ST6GALNAC3: variants seen among roughly 807,000 people sequenced by gnomAD.
ST6GALNAC3 encodes alpha-N-acetylgalactosaminide alpha-2,6-sialyltransferase 3.
A neutral mutation model predicts 32.7 loss-of-function variants in ST6GALNAC3; 25 were observed. The ratio of observed to expected loss-of-function variants is 0.76; its 90% CI spans 0.56 to 1.07. The LOEUF (loss-of-function observed/expected upper bound fraction) is 1.07, where lower values mean the gene tolerates loss of function less well. ST6GALNAC3 is among the 50% of genes least tolerant of loss of function. The pLI, the probability that ST6GALNAC3 is intolerant of heterozygous loss-of-function variation, is 0.00. For missense variants in ST6GALNAC3, 355 were observed against 382.4 expected (o/e 0.93, Z 0.60); for synonymous variants, 129 against 133.1 (o/e 0.97, Z 0.21).
chr1:76,255,713 G>C (rs539636237), intron 1 of ST6GALNAC3, among the ~76,000 whole-genome samples: 2 of 152,082 alleles, frequency 1.3e-5, no homozygotes, highest in Non-Finnish European at 1.5e-5. Context: ...GCAACCCCTC[G>C]TTTAAAAACT....
chr1:76,167,657 A>G (rs1012851615), intron 1 of ST6GALNAC3, among the ~76,000 whole-genome samples: 2 of 151,166 alleles, frequency 1.3e-5, no homozygotes, highest in Admixed American at 1.3e-4. Context: ...TGTTGATTCA[A>G]TTTCGGAGCT....
At chr1:76,485,641 C>T (rs1660057502) in intron 3 of ST6GALNAC3, among the ~76,000 whole-genome samples, 1 of 152,182 alleles carries the variant, frequency 6.6e-6, no homozygotes, top group Non-Finnish European at 1.5e-5. Flanking sequence ...TGCTAGTGAT[C>T]TATCAATTTT....
At chr1:76,471,357 T>C (rs1256905282) in intron 3 of ST6GALNAC3, among the ~76,000 whole-genome samples, 2 of 152,154 alleles carry the variant, frequency 1.3e-5, no homozygotes, top group African/African-American at 2.4e-5. Flanking sequence ...TAACAAGTAG[T>C]GCCAAATGCT....
intron 3 of ST6GALNAC3, among the ~76,000 whole-genome samples, chr1:76,501,433 ATTCC>A (rs1298936900): frequency 6.6e-6 from 1 of 152,178 alleles, no homozygotes; most frequent in East Asian, 1.9e-4. Context: ...GGACAAGAAA[ATTCC>A]TTCCTTCCTT....
chr1:76,410,007 C>G (rs1005203962), intron 2 of ST6GALNAC3, among the ~76,000 whole-genome samples: 6 of 152,160 alleles, frequency 3.9e-5, no homozygotes, highest in Admixed American at 2.0e-4. Context: ...ACATCACTAT[C>G]CTCTCTTGCT....
At chr1:76,366,265 G>T (rs1489506193) in intron 2 of ST6GALNAC3, among the ~76,000 whole-genome samples, 1 of 152,100 alleles carries the variant, frequency 6.6e-6, no homozygotes, top group Non-Finnish European at 1.5e-5. Flanking sequence ...TCAAGCCTAT[G>T]ATCTTCTTTT....
chr1:76,228,600 C>T (rs566867607), intron 1 of ST6GALNAC3, among the ~76,000 whole-genome samples: 45 of 152,224 alleles, frequency 3.0e-4, no homozygotes, highest in African/African-American at 9.9e-4. Context: ...TGGTAGGAAG[C>T]GGGTCTCAGA....
chr1:76,555,177 T>C (rs1157649401), intron 3 of ST6GALNAC3, among the ~76,000 whole-genome samples: 1 of 152,180 alleles, frequency 6.6e-6, no homozygotes, highest in East Asian at 1.9e-4. Flanking sequence ...TATTATATTG[T>C]TAACAGCCAC....
chr1:76,562,367 T>A (rs1665292269), intron 3 of ST6GALNAC3, among the ~76,000 whole-genome samples: 1 of 152,104 alleles, frequency 6.6e-6, no homozygotes, highest in Non-Finnish European at 1.5e-5. Context: ...AAAGACCATG[T>A]TTACATAGTT....
intron 2 of ST6GALNAC3, among the ~76,000 whole-genome samples, chr1:76,391,462 T>G (rs1356209990): frequency 3.9e-5 from 6 of 152,156 alleles, no homozygotes; most frequent in Non-Finnish European, 8.8e-5. Context: ...ATTAACCAGC[T>G]AACAAAACAT....
intron 3 of ST6GALNAC3, among the ~76,000 whole-genome samples, chr1:76,562,075 C>T (rs1665277248): frequency 6.6e-6 from 1 of 152,010 alleles, no homozygotes; most frequent in African/African-American, 2.4e-5. Flanking sequence ...TAGTTGTTTC[C>T]TGGGGCTGGG....
At chr1:76,247,437 C>A (rs192897612) in intron 1 of ST6GALNAC3, among the ~76,000 whole-genome samples, 74 of 152,328 alleles carry the variant, frequency 4.9e-4, no homozygotes, top group African/African-American at 7.7e-4. Flanking sequence ...CACCCCTCCC[C>A]CTAAGTGCTC....
chr1:76,262,941 G>T (rs1476276556), intron 1 of ST6GALNAC3, among the ~76,000 whole-genome samples: 33 of 152,070 alleles, frequency 2.2e-4, no homozygotes, highest in Non-Finnish European at 7.4e-5. Flanking sequence ...AGGCTCACTG[G>T]GCCCAGGGTT....
chr1:76,489,980 C>G (rs1660388233), intron 3 of ST6GALNAC3, among the ~76,000 whole-genome samples: 1 of 152,150 alleles, frequency 6.6e-6, no homozygotes, highest in South Asian at 2.1e-4. Flanking sequence ...TGTAAATCTT[C>G]CAGACAGACT....
At chr1:76,282,725 A>G (rs1001246753) in intron 1 of ST6GALNAC3, among the ~76,000 whole-genome samples, 4 of 152,000 alleles carry the variant, frequency 2.6e-5, no homozygotes, top group African/African-American at 9.7e-5. Flanking sequence ...ACTGTATAAA[A>G]CCCATAGAAG....
At chr1:76,158,273 C>T (rs967437823) in intron 1 of ST6GALNAC3, among the ~76,000 whole-genome samples, 1 of 152,108 alleles carries the variant, frequency 6.6e-6, no homozygotes, top group Non-Finnish European at 1.5e-5. Flanking sequence ...GCTTACTAAA[C>T]AATTCTTCCT....
intron 2 of ST6GALNAC3, among the ~76,000 whole-genome samples, chr1:76,356,400 T>C (rs1285126453): frequency 7.6e-6 from 1 of 131,536 alleles, no homozygotes; most frequent in Admixed American, 8.9e-5. Context: ...ACCCCCGATC[T>C]AGACTCTGGT....
Position 76,412,229 on chromosome 1 carries a change from G to C in ST6GALNAC3, c.435G>C (p.Lys145Asn). Residue 145 changes from lysine (K) to asparagine (N), a missense_variant, in exon 3 of 5, where the codon AAG (lysine) becomes AAC (asparagine). Transcript: ENST00000328299. ...TAAAAAACCCTGATTATTTTTTCAA[G>C]GAAGCGAATACTACTATTTATGTTA... is the stretch of plus-strand genomic sequence containing the variant. ...LLLKNPDYFF[K>N]EANTTIYVIW... 6.2e-7 allele frequency: 1 copy of C among 1,613,726 alleles called. No individual in the cohort carries two copies. The highest frequency in any genetic ancestry group is 1.1e-5 in the South Asian group (1 of 91,070).
At chr1:76,208,051 C>CG (rs1553165408) in intron 1 of ST6GALNAC3, among the ~76,000 whole-genome samples, 1 of 150,496 alleles carries the variant, frequency 6.6e-6, no homozygotes, top group African/African-American at 2.4e-5. Context: ...GCCCCCCCCC[C>CG]CAAAAAATAG....
Sources: allele counts gnomAD v4.1 joint callset (sites outside exome capture counted in the v4.1 genomes callset), GRCh38; gene constraint gnomAD v4.1.1; transcripts MANE v1.5; gene names NCBI Gene and HGNC (gene_info 2026-07-23, HGNC 2026-07-21).